UNC5C: variants seen among roughly 807,000 people sequenced by gnomAD.
The protein encoded by UNC5C is netrin receptor UNC5C.
In UNC5C, 47 loss-of-function variants were observed where a neutral mutation model predicts 99.8. The observed-to-expected ratio is 0.47, with a 90% CI of 0.37 to 0.60. The LOEUF (loss-of-function observed/expected upper bound fraction) is 0.60, where lower values mean the gene tolerates loss of function less well. Among genes scored for constraint, UNC5C ranks in the 20% least tolerant of loss-of-function variants. The pLI, the probability that UNC5C is intolerant of heterozygous loss-of-function variation, is 0.00. For synonymous variants in UNC5C, 487 were observed against 452.2 expected, an observed-to-expected ratio of 1.08 and a Z score of -0.98; for missense variants, 1,062 against 1,165.9, an observed-to-expected ratio of 0.91 and a Z score of 1.30.
intron 2 of UNC5C, among the ~76,000 whole-genome samples, chr4:95,305,085 A>G (rs2149405544): frequency 6.6e-6 from 1 of 152,334 alleles, no homozygotes; most frequent in East Asian, 1.9e-4. Flanking sequence ...AGTCAAGCAC[A>G]CACTGATTTT....
At chr4:95,465,140 G>T (rs1220929367) in intron 1 of UNC5C, among the ~76,000 whole-genome samples, 4 of 152,122 alleles carry the variant, frequency 2.6e-5, no homozygotes, top group Non-Finnish European at 5.9e-5. Flanking sequence ...TGGGTCACTT[G>T]CAGGCTATGT....
At chr4:95,288,114 G>C (rs557498217) in intron 3 of UNC5C, among the ~76,000 whole-genome samples, 1 of 95,046 alleles carries the variant, frequency 1.1e-5, no homozygotes, top group Non-Finnish European at 2.3e-5. Flanking sequence ...AGGGAGTCTC[G>C]CTCTGTCACC....
At chr4:95,358,491 A>G (rs28537146) in intron 1 of UNC5C, among the ~76,000 whole-genome samples, 53,577 of 152,048 alleles carry the variant, frequency 0.35, 10,825 homozygotes, top group African/African-American at 0.54. Flanking sequence ...AGCAATGAAC[A>G]GTGCTGGTTA....
intron 12 of UNC5C, among the ~76,000 whole-genome samples, chr4:95,199,125 A>G (rs1253720014): frequency 6.6e-6 from 1 of 151,992 alleles, no homozygotes; most frequent in South Asian, 2.1e-4. Context: ...CCTGAAGGAG[A>G]AGGAGGCCTT....
intron 1 of UNC5C, among the ~76,000 whole-genome samples, chr4:95,530,745 T>C (rs180743906): frequency 9.8e-5 from 15 of 152,320 alleles, no homozygotes; most frequent in Non-Finnish European, 1.0e-4. Context: ...ATATGGCTTA[T>C]TATTCTTCAT....
At chr4:95,333,003 A>C (rs1454706552) in intron 2 of UNC5C, among the ~76,000 whole-genome samples, 1 of 152,200 alleles carries the variant, frequency 6.6e-6, no homozygotes, top group Non-Finnish European at 1.5e-5. Flanking sequence ...GAGAAATGCA[A>C]ATCAAAACCA....
chr4:95,236,461 A>C (rs1739118941), intron 7 of UNC5C, among the ~76,000 whole-genome samples: 1 of 151,840 alleles, frequency 6.6e-6, no homozygotes, highest in African/African-American at 2.4e-5. Context: ...GAGGGATAGC[A>C]TTAGGAGATA....
chr4:95,451,004 TTAAAG>T (rs1162046666), intron 1 of UNC5C, among the ~76,000 whole-genome samples: 3 of 152,210 alleles, frequency 2.0e-5, no homozygotes, highest in African/African-American at 7.2e-5. Flanking sequence ...ATGTTAGTGA[TTAAAG>T]TAAAGGTATT....
chr4:95,245,215 C>G (rs1041152586), intron 5 of UNC5C, 71 bp from the exon 6 acceptor site: 11 of 1,446,814 alleles, frequency 7.6e-6, no homozygotes, highest in African/African-American at 1.5e-5. Context: ...ACACACAAAA[C>G]AGACACAATA....
chr4:95,468,570 G>C (rs1360737631), intron 1 of UNC5C, among the ~76,000 whole-genome samples: 1 of 152,172 alleles, frequency 6.6e-6, no homozygotes, highest in Non-Finnish European at 1.5e-5. Flanking sequence ...GGAATTTACT[G>C]TTTGAGGCTT....
chr4:95,292,269 A>T (rs1369664061), intron 3 of UNC5C, among the ~76,000 whole-genome samples: 28 of 115,536 alleles, frequency 2.4e-4, no homozygotes, highest in Admixed American at 3.4e-4. Context: ...ATATATATAA[A>T]TTTTTTTTGT....
At chr4:95,183,999 TA>T (rs1279169584) in intron 13 of UNC5C, among the ~76,000 whole-genome samples, 1 of 152,212 alleles carries the variant, frequency 6.6e-6, no homozygotes, top group African/African-American at 2.4e-5. Flanking sequence ...TCATTATCAT[TA>T]AAATAGTATT....
intron 12 of UNC5C, among the ~76,000 whole-genome samples, chr4:95,199,564 C>CT (rs1156901203): frequency 6.6e-6 from 1 of 152,156 alleles, no homozygotes; most frequent in Non-Finnish European, 1.5e-5. Context: ...GTTCATCACT[C>CT]TTTCTCACTA....
intron 14 of UNC5C, among the ~76,000 whole-genome samples, chr4:95,179,048 A>G (rs1287422415): frequency 1.3e-5 from 2 of 152,228 alleles, no homozygotes; most frequent in Non-Finnish European, 2.9e-5. Flanking sequence ...GCTTATTTCA[A>G]TAATCATTTA....
chr4:95,339,500 C>T (rs1217386721), intron 1 of UNC5C, among the ~76,000 whole-genome samples: 1 of 83,290 alleles, frequency 1.2e-5, no homozygotes, highest in Non-Finnish European at 2.7e-5. Context: ...AGCTTAAGGT[C>T]ATGCTGCAAA....
intron 1 of UNC5C, among the ~76,000 whole-genome samples, chr4:95,422,374 C>A (rs1367531498): frequency 6.6e-6 from 1 of 152,136 alleles, no homozygotes; most frequent in African/African-American, 2.4e-5. Flanking sequence ...TTAATTTAAT[C>A]AAAAACCTTA....
At chr4:95,317,733 T>C (rs1742531429) in intron 2 of UNC5C, among the ~76,000 whole-genome samples, 1 of 152,088 alleles carries the variant, frequency 6.6e-6, no homozygotes, top group Non-Finnish European at 1.5e-5. Flanking sequence ...TAAAGAACAC[T>C]AGGGAATGCT....
At chr4:95,291,404 G>C (rs1485704598) in intron 3 of UNC5C, among the ~76,000 whole-genome samples, 2 of 152,274 alleles carry the variant, frequency 1.3e-5, no homozygotes, top group African/African-American at 4.8e-5. Flanking sequence ...AAGCATTTTA[G>C]CCATAAACTT....
intron 1 of UNC5C, among the ~76,000 whole-genome samples, chr4:95,354,025 C>G (rs1744080801): frequency 6.6e-6 from 1 of 152,120 alleles, no homozygotes; most frequent in Non-Finnish European, 1.5e-5. Flanking sequence ...AGCTAGAAAT[C>G]TAAGAATTAT....
Sources: allele counts gnomAD v4.1 joint callset (sites outside exome capture counted in the v4.1 genomes callset), GRCh38; gene constraint gnomAD v4.1.1; transcripts MANE v1.5; gene names NCBI Gene and HGNC (gene_info 2026-07-23, HGNC 2026-07-21).